Variants in SRXN1 observed in about 807,000 individuals in gnomAD.
SRXN1 encodes sulfiredoxin-1.
Under a neutral mutation model 11.0 loss-of-function variants are expected in SRXN1, and 11 were observed. The observed-to-expected ratio is 1.00, with a 90% CI of 0.63 to 1.65. The LOEUF is 1.65. Among genes scored for constraint, SRXN1 ranks in the 40% most tolerant of loss-of-function variants. The probability of loss-of-function intolerance (pLI) is 0.00; values close to 1 mark genes in which losing one functional copy is unlikely to be tolerated. For synonymous variants in SRXN1, 106 were observed against 92.8 expected, an observed-to-expected ratio of 1.14 and a Z score of -0.82; for missense variants, 211 against 194.5, an observed-to-expected ratio of 1.08 and a Z score of -0.50.
intron 1 of SRXN1, among the ~76,000 whole-genome samples, chr20:652,703 GACTTCCTGC>G (rs1156524897): frequency 6.6e-6 from 1 of 152,200 alleles, no homozygotes; most frequent in Non-Finnish European, 1.5e-5. Flanking sequence ...GAAACTGAGG[GACTTCCTGC>G]AGTTCCTGGA....
chr20:648,720 C>G lies in SRXN1; in HGVS notation c.408G>C (p.Leu136Phe). The change falls in exon 2 of 2, where the codon TTG (leucine) becomes TTC (phenylalanine). Residue 136 changes from leucine to phenylalanine, a missense_variant. Leu to Phe is a conservative substitution (Grantham distance 22). Coordinates refer to ENST00000381962, the MANE Select transcript of SRXN1 (RefSeq NM_080725.3). ...GCAGGTGCCAAGGAGGCTGCTACTG[C>G]AAGTCTGGTGTGGATGCTCCCAGGT... ...RVYLGASTPD[L>F]Q 1 of 1,614,112 alleles carries G rather than the reference C, an allele frequency of 6.2e-7. No homozygotes were observed. Among genetic ancestry groups the G allele is most frequent in the Non-Finnish European group, 8.5e-7 (1 of 1,179,938 alleles).
intron 1 of SRXN1, among the ~76,000 whole-genome samples, chr20:651,859 C>T (rs952508116): frequency 3.9e-5 from 6 of 151,980 alleles, no homozygotes; most frequent in Non-Finnish European, 8.8e-5. Flanking sequence ...AGGTTCTCAA[C>T]GGGAGAAAAA....
chr20:653,052 G>A lies in SRXN1; in HGVS notation c.134C>T (p.Pro45Leu), dbSNP rs775552812. Residue 45 changes from proline (P) to leucine (L), a missense_variant, in exon 1 of 2, where the codon CCG becomes CTG. Physicochemically the swap from Pro to Leu is moderately conservative, Grantham distance 98 (BLOSUM62 -3). Transcript: ENST00000381962. ...SGRIAAVHNV[P>L]LSVLIRPLPS... ...CAGCGGCCGGATGAGCACGCTCAGC[G>A]GCACGTTGTGCACCGCGGCGATGCG... 4.5e-6 allele frequency: 7 copies of A among 1,559,330 alleles called. No homozygotes were observed. In the African/African-American group the frequency reaches 8.2e-5, roughly 18 times the overall value.
chr20:646,831 A>T lies in SRXN1; in HGVS notation c.*1883T>A, dbSNP rs1361197346. 6.6e-6 allele frequency: 1 copy of T among 152,046 alleles called. No homozygotes were observed. Among genetic ancestry groups the T allele is most frequent in the Non-Finnish European group, 1.5e-5 (1 of 67,998 alleles). 9.4% of individuals were successfully genotyped at this position (152,046 alleles called of 1,614,324 possible). On this transcript the variant is annotated 3_prime_UTR_variant, in exon 2 of 2. Transcript: ENST00000381962. ...TTTTCAGATTTCCAATTTTCCCACT[A>T]ATGTCCTGTTTTTGTTCCAAGACCC... is the stretch of plus-strand genomic sequence containing the variant.
intron 1 of SRXN1, among the ~76,000 whole-genome samples, chr20:649,671 C>T (rs923889471): frequency 6.7e-6 from 1 of 150,304 alleles, no homozygotes; most frequent in African/African-American, 2.5e-5. Context: ...CATTGCACTC[C>T]AGCCTCGGCG....
chr20:651,976 T>C (rs1216417948), intron 1 of SRXN1, among the ~76,000 whole-genome samples: 4 of 152,216 alleles, frequency 2.6e-5, no homozygotes, highest in African/African-American at 9.7e-5. Flanking sequence ...CTCGCCCTTG[T>C]GGAGTGCACG....
In SRXN1 at chr20:648,093, G is replaced by A. The variant is rs187934612; in HGVS notation, c.*621C>T. ...ACGAGGTTTTACTTTCTGATAGAAG[G>A]TGACGGGTCCAGCTAGTTTGGCCCT... On this transcript the variant is annotated 3_prime_UTR_variant, in exon 2 of 2. Transcript: ENST00000381962. 5.3e-3 allele frequency: 2,434 copies of A among 456,296 alleles called. 15 individuals carry two copies. The highest frequency in any genetic ancestry group is 6.7e-3 in the Non-Finnish European group (1,517 of 226,972). The allele number at this position is 456,296 out of a possible 1,614,324, so 28.3% of individuals were successfully genotyped here. A position where few individuals can be genotyped will look rare whatever the true frequency, so the allele number is the denominator to read the frequency against.
chr20:649,815 T>C (rs1310063777), intron 1 of SRXN1, among the ~76,000 whole-genome samples: 1 of 152,244 alleles, frequency 6.6e-6, no homozygotes, highest in Non-Finnish European at 1.5e-5. Context: ...ATTCATCTTT[T>C]TGTGCCTCAG....
rs985273204 is a variant in SRXN1, at chr20:653,127, T to C, written c.59A>G (p.Glu20Gly). Residue 20 changes from glutamate (E) to glycine (G), a missense_variant, in exon 1 of 2, where the codon GAG (glutamate) becomes GGG (glycine). Coordinates refer to ENST00000381962, the MANE Select transcript of SRXN1 (RefSeq NM_080725.3). Reference protein sequence around the residue: ...GRAGAGRGAPEGPGPSGGAQG... With the variant: ...GRAGAGRGAPGGPGPSGGAQG... ...CGCGCCGCCGCTCGGCCCGGGCCCC[T>C]CGGGCGCCCCCCGACCCGCGCCGGC... 9.2e-5 allele frequency: 122 copies of C among 1,327,392 alleles called. No homozygotes were observed. In the African/African-American group the frequency reaches 1.7e-3, roughly 18 times the overall value. The allele number at this position is 1,327,392 out of a possible 1,614,324, so 82.2% of individuals were successfully genotyped here.
Position 646,728 on chromosome 20 carries a change from G to T in SRXN1, c.*1986C>A, listed in dbSNP as rs1026105379. The T allele has an allele frequency of 3.7e-4, 56 of 151,570 alleles. No homozygotes were observed. Among genetic ancestry groups the T allele is most frequent in the African/African-American group, 1.3e-3 (54 of 41,282 alleles). 9.4% of individuals were successfully genotyped at this position (151,570 alleles called of 1,614,324 possible). ...TACCCTTCACCCAGCCTACCCCAAG[G>T]TCAACATCTTACATCACCATGGTAC... On this transcript the variant is annotated 3_prime_UTR_variant, in exon 2 of 2. Coordinates refer to ENST00000381962, the MANE Select transcript of SRXN1 (RefSeq NM_080725.3).
chr20:651,049 G>A (rs1412368261), intron 1 of SRXN1, among the ~76,000 whole-genome samples: 1 of 152,230 alleles, frequency 6.6e-6, no homozygotes, highest in Admixed American at 6.5e-5. Flanking sequence ...GGAAGTAGAG[G>A]AAGAGGTCAG....
rs548911457 is a variant in SRXN1 at position 648,570 on chromosome 20, G to A, written c.*144C>T. 49 of 899,562 alleles carry A rather than the reference G, an allele frequency of 5.4e-5. No homozygotes were observed. Among genetic ancestry groups the A allele is most frequent in the Admixed American group, 1.6e-4 (8 of 48,788 alleles). The allele number at this position is 899,562 out of a possible 1,614,324, so 55.7% of individuals were successfully genotyped here. On this transcript the variant is annotated 3_prime_UTR_variant, in exon 2 of 2. Transcript: ENST00000381962. ...ACAGTGAGTCCAAGGCCTTGTAGCT[G>A]GTGAGAGGGGTGCCCAGAGTCAGAC...
In SRXN1 at chr20:648,149, G is replaced by A. The variant is rs751957171; in HGVS notation, c.*565C>T. The A allele has an allele frequency of 4.2e-5, 19 of 456,148 alleles. No homozygotes were observed. Among genetic ancestry groups the A allele is most frequent in the East Asian group, 2.1e-4 (3 of 14,408 alleles). The allele number at this position is 456,148 out of a possible 1,614,324, so 28.3% of individuals were successfully genotyped here. On this transcript the variant is annotated 3_prime_UTR_variant, in exon 2 of 2. Coordinates refer to ENST00000381962, the MANE Select transcript of SRXN1 (RefSeq NM_080725.3). ...TTCCTCCACCCCTCCTTCCTTGAAC[G>A]CAGACATGATTCTTGGGGATACAGC...
intron 1 of SRXN1, 150 bp downstream of exon 1, chr20:652,826 G>T (rs1171858667): frequency 8.1e-7 from 1 of 1,231,062 alleles, no homozygotes; most frequent in Non-Finnish European, 1.0e-6. Flanking sequence ...GAGAGGCCCA[G>T]CTACTTGCTC....
At chr20:652,918 GGCAACCTC>G (rs1983711169) in intron 1 of SRXN1, 50 bp downstream of exon 1, 8 of 941,052 alleles carry the variant, frequency 8.5e-6, no homozygotes, top group Middle Eastern at 3.5e-4. Flanking sequence ...TCCCTCCTCC[GGCAACCTC>G]CCTCCTCCGA....
rs527787811 is a variant in SRXN1 at position 647,856 on chromosome 20, C to G, written c.*858G>C. The G allele has an allele frequency of 3.2e-4, 111 of 350,390 alleles. No homozygotes were observed. The highest frequency in any genetic ancestry group is 2.0e-3 in the African/African-American group (95 of 46,730). The allele number at this position is 350,390 out of a possible 1,614,324, so 21.7% of individuals were successfully genotyped here. ...AAAAGCTAACTGGTACACAATTCTG[C>G]ATTTCTCTCTTGGTAATGGGATCCC... On this transcript the variant is annotated 3_prime_UTR_variant, in exon 2 of 2. Coordinates refer to ENST00000381962, the MANE Select transcript of SRXN1 (RefSeq NM_080725.3).
rs1322861162 is a variant in SRXN1, at chr20:647,758, C to T, written c.*956G>A. 6.0e-6 allele frequency: 2 copies of T among 333,904 alleles called. No individual in the cohort carries two copies. Among genetic ancestry groups the T allele is most frequent in the South Asian group, 2.4e-5 (1 of 41,090 alleles). The allele number at this position is 333,904 out of a possible 1,614,324, so 20.7% of individuals were successfully genotyped here. A position where few individuals can be genotyped will look rare whatever the true frequency, so the allele number is the denominator to read the frequency against. ...CCCTGTTGAGCCCAGCCCAAATTGCCAACCCATAGGATTGTGGGAAAATAC... is the reference window on the plus strand; with the variant it reads ...CCCTGTTGAGCCCAGCCCAAATTGCTAACCCATAGGATTGTGGGAAAATAC... On this transcript the variant is annotated 3_prime_UTR_variant, in exon 2 of 2. Coordinates refer to ENST00000381962, the MANE Select transcript of SRXN1 (RefSeq NM_080725.3).
At chr20:648,974 A>G in intron 1 of SRXN1, 57 bp from the exon 2 acceptor site, 1 of 1,585,950 alleles carries the variant, frequency 6.3e-7, no homozygotes, top group Non-Finnish European at 8.6e-7. Context: ...GAGTTTGTAA[A>G]GCAGACTTTG....
At position 648,196 on chromosome 20, in the gene SRXN1, T is replaced by C. The variant is rs1221135864; in HGVS notation, c.*518A>G. ...CAGCAGCCATCTTGGGACCATGAAG[T>C]AACGAGCACTGAGATTAAGGCAAAA... On this transcript the variant is annotated 3_prime_UTR_variant, in exon 2 of 2. Transcript: ENST00000381962. 5 of 456,166 alleles carry C rather than the reference T, an allele frequency of 1.1e-5. No homozygotes were observed. The highest frequency in any genetic ancestry group is 2.2e-5 in the Non-Finnish European group (5 of 226,984). The allele number at this position is 456,166 out of a possible 1,614,324, so 28.3% of individuals were successfully genotyped here.
Sources: allele counts gnomAD v4.1 joint callset (sites outside exome capture counted in the v4.1 genomes callset), GRCh38; gene constraint gnomAD v4.1.1; transcripts MANE v1.5; gene names NCBI Gene and HGNC (gene_info 2026-07-23, HGNC 2026-07-21).